The following RXFP1 variants were observed in gnomAD, a reference collection of about 807,000 sequenced individuals.
The protein encoded by RXFP1 is relaxin receptor 1.
RXFP1 carries 73 observed loss-of-function variants against 89.8 expected under a neutral mutation model. That is an observed-to-expected ratio of 0.81 (90% CI 0.67 to 0.99). The LOEUF (loss-of-function observed/expected upper bound fraction) is 0.99. Among genes scored for constraint, RXFP1 ranks in the 50% least tolerant of loss-of-function variants. RXFP1 has a pLI of 0.00. For missense variants in RXFP1, 793 were observed against 895.5 expected, an observed-to-expected ratio of 0.89 and a Z score of 1.46; for synonymous variants, 277 against 305.5, an observed-to-expected ratio of 0.91 and a Z score of 0.97.
At chr4:158,620,261 A>G (rs940905195) in intron 9 of RXFP1, among the ~76,000 whole-genome samples, 3 of 152,190 alleles carry the variant, frequency 2.0e-5, no homozygotes, top group African/African-American at 7.2e-5. Context: ...AAGCTTTCAA[A>G]TTGAAACGAA....
chr4:158,593,139 A>C (rs908785403), intron 2 of RXFP1, among the ~76,000 whole-genome samples: 3 of 151,704 alleles, frequency 2.0e-5, no homozygotes, highest in Non-Finnish European at 4.4e-5. Flanking sequence ...GTTTTTTCAT[A>C]ATTCACTCCC....
intron 14 of RXFP1, among the ~76,000 whole-genome samples, chr4:158,640,573 T>C (rs753224393): frequency 1.3e-5 from 2 of 152,052 alleles, no homozygotes; most frequent in Non-Finnish European, 2.9e-5. Context: ...TGTGAAATAA[T>C]AGAAGGAGAA....
At chr4:158,642,634 C>T (rs1266574648) in intron 14 of RXFP1, among the ~76,000 whole-genome samples, 1 of 152,116 alleles carries the variant, frequency 6.6e-6, no homozygotes, top group Non-Finnish European at 1.5e-5. Context: ...TTTTTTATAG[C>T]TGAATATTCC....
chr4:158,550,246 C>A (rs374409569), intron 1 of RXFP1, among the ~76,000 whole-genome samples: 1 of 152,330 alleles, frequency 6.6e-6, no homozygotes, highest in African/African-American at 2.4e-5. Flanking sequence ...TAGGACCCTC[C>A]GAGCCATGTG....
chr4:158,541,010 T>TA (rs993339686), intron 1 of RXFP1, among the ~76,000 whole-genome samples: 1 of 151,844 alleles, frequency 6.6e-6, no homozygotes, highest in Non-Finnish European at 1.5e-5. Flanking sequence ...ATGGCAATCC[T>TA]AAAAAAAAGA....
At chr4:158,609,108 T>C (rs1337271004) in intron 6 of RXFP1, among the ~76,000 whole-genome samples, 2 of 152,230 alleles carry the variant, frequency 1.3e-5, no homozygotes, top group African/African-American at 4.8e-5. Flanking sequence ...GGGATACAAA[T>C]ATCTGTTTGG....
intron 2 of RXFP1, among the ~76,000 whole-genome samples, chr4:158,579,880 G>A (rs113371154): frequency 2.2e-4 from 33 of 152,158 alleles, no homozygotes; most frequent in African/African-American, 6.3e-4. Flanking sequence ...GGTTTTTACC[G>A]GGTGTTTTGT....
intron 1 of RXFP1, among the ~76,000 whole-genome samples, chr4:158,528,357 T>G (rs6819359): frequency 0.87 from 132,152 of 152,086 alleles, 60,408 homozygotes; most frequent in East Asian, 1. Context: ...AATACAAAAT[T>G]TAGCCAGTCG....
chr4:158,541,109 T>C (rs1746501485), intron 1 of RXFP1, among the ~76,000 whole-genome samples: 1 of 152,156 alleles, frequency 6.6e-6, no homozygotes, highest in South Asian at 2.1e-4. Flanking sequence ...AGAGTCATGC[T>C]TTTTGTTATT....
At chr4:158,612,850 C>T (rs1389458919) in intron 8 of RXFP1, among the ~76,000 whole-genome samples, 3 of 152,116 alleles carry the variant, frequency 2.0e-5, no homozygotes, top group Non-Finnish European at 4.4e-5. Flanking sequence ...ACTTCATGAT[C>T]CACCCATCTT....
intron 1 of RXFP1, among the ~76,000 whole-genome samples, chr4:158,530,949 C>A (rs374573516): frequency 3.9e-5 from 6 of 152,282 alleles, no homozygotes; most frequent in African/African-American, 1.4e-4. Flanking sequence ...GGCTCTTGGG[C>A]ACCTTTTTTC....
At chr4:158,527,989 T>C (rs894434210) in intron 1 of RXFP1, among the ~76,000 whole-genome samples, 3 of 152,046 alleles carry the variant, frequency 2.0e-5, no homozygotes, top group Non-Finnish European at 4.4e-5. Flanking sequence ...TAGACAGAAA[T>C]TGTTAAAATA....
At chr4:158,562,092 G>T (rs1752568473) in intron 1 of RXFP1, among the ~76,000 whole-genome samples, 1 of 152,056 alleles carries the variant, frequency 6.6e-6, no homozygotes, top group Admixed American at 6.5e-5. Context: ...CCTGTTTTAA[G>T]TTGAAATTAG....
intron 2 of RXFP1, among the ~76,000 whole-genome samples, chr4:158,581,283 C>G (rs1757309240): frequency 6.6e-6 from 1 of 152,148 alleles, no homozygotes. Flanking sequence ...TAGACTATTT[C>G]CATTACACAG....
chr4:158,617,763 A>T (rs567517970), intron 9 of RXFP1, among the ~76,000 whole-genome samples: 6 of 152,260 alleles, frequency 3.9e-5, no homozygotes, highest in African/African-American at 1.4e-4. Context: ...AAAGAAAGAA[A>T]TAACCAAAAT....
chr4:158,635,457 C>T (rs1768948683), intron 12 of RXFP1, among the ~76,000 whole-genome samples: 1 of 152,154 alleles, frequency 6.6e-6, no homozygotes, highest in South Asian at 2.1e-4. Flanking sequence ...ATTACATCAC[C>T]TGTAAACAGA....
intron 5 of RXFP1, among the ~76,000 whole-genome samples, chr4:158,605,503 T>C (rs951096227): frequency 5.3e-5 from 8 of 152,214 alleles, no homozygotes; most frequent in African/African-American, 1.9e-4. Context: ...TTTGTCAGAT[T>C]CACGATGAAG....
chr4:158,621,910 A>T (rs2150164432), intron 9 of RXFP1, among the ~76,000 whole-genome samples: 1 of 152,378 alleles, frequency 6.6e-6, no homozygotes, highest in East Asian at 1.9e-4. Context: ...AAGACAAGAG[A>T]TGACGAGTGT....
chr4:158,589,297 A>G (rs1758920531), intron 2 of RXFP1, among the ~76,000 whole-genome samples: 1 of 152,150 alleles, frequency 6.6e-6, no homozygotes, highest in East Asian at 1.9e-4. Flanking sequence ...ACACAGCCAA[A>G]CCATATCAGA....
Sources: allele counts gnomAD v4.1 joint callset (sites outside exome capture counted in the v4.1 genomes callset), GRCh38; gene constraint gnomAD v4.1.1; transcripts MANE v1.5; gene names NCBI Gene and HGNC (gene_info 2026-07-23, HGNC 2026-07-21).